The following RPL5 variants were observed in gnomAD, a reference collection of about 807,000 sequenced individuals.
RPL5 encodes ribosomal protein L5, also known as large ribosomal subunit protein uL18.
In RPL5, 1 loss-of-function variant was observed where a neutral mutation model predicts 38.4. That is an observed-to-expected ratio of 0.03 (90% CI 0.01 to 0.12). The LOEUF (loss-of-function observed/expected upper bound fraction) is 0.12, where lower values mean the gene tolerates loss of function less well. Among genes scored for constraint, RPL5 ranks in the 10% least tolerant of loss-of-function variants. RPL5 has a pLI of 1.00. For missense variants in RPL5, 243 were observed against 374.1 expected (o/e 0.65, Z 2.89); for synonymous variants, 109 against 121.2 (o/e 0.90, Z 0.66).
At chr1:92,835,340 A>G (rs1571027592) in intron 4 of RPL5, 1 of 266,880 alleles carries the variant, frequency 3.7e-6, no homozygotes, top group African/African-American at 2.2e-5. Flanking sequence ...GTACCAAGTG[A>G]TTTATATGCA....
Position 92,833,636 on chromosome 1 carries a change from G to A in RPL5, c.165G>A (p.Val55=), listed in dbSNP as rs58263806. The A allele has an allele frequency of 4.0e-3, 6,458 of 1,611,662 alleles. 210 individuals carry two copies. The African/African-American group carries it at 0.074, about 18-fold the overall frequency. ...CCAAATACAGGATGATAGTTCGTGT[G>A]ACAAACAGAGATATCATTTGTCAGG... ...NTPKYRMIVR[V]TNRDIICQIA... is the part of the protein sequence containing the mutation. Residue 55 remains valine (V), a synonymous_variant, in exon 3 of 8, where the codon GTG becomes GTA. Transcript: ENST00000370321.
chr1:92,837,222 T>TG (rs2100687408), intron 5 of RPL5: 1 of 694,832 alleles, frequency 1.4e-6, no homozygotes, highest in South Asian at 1.4e-5. Flanking sequence ...TGGAAAGCCT[T>TG]GGTAATGGCT....
chr1:92,834,008 G>A, intron 3 of RPL5: 1 of 317,268 alleles, frequency 3.2e-6, no homozygotes, highest in Non-Finnish European at 6.0e-6. Context: ...CTCAGTGGGA[G>A]GATTGTTTGA....
chr1:92,832,611 G>A, intron 1 of RPL5: 2 of 303,956 alleles, frequency 6.6e-6, no homozygotes, highest in Non-Finnish European at 1.2e-5. Context: ...CTGAGCAAGT[G>A]GCTTTTAAGC....
In RPL5 at chr1:92,837,554, G is replaced by A. The variant is rs775560628; in HGVS notation, c.626G>A (p.Arg209His). Residue 209 changes from arginine to histidine, a missense_variant, in exon 6 of 8, where the codon CGC becomes CAC. Transcript: ENST00000370321. ...GGCCAGAATGTTGCAGATTACATGC[G>A]CTACTTAATGGAAGAAGATGAAGAT... ...IMGQNVADYMRYLMEEDEDAY... is the reference protein window; with the variant it reads ...IMGQNVADYMHYLMEEDEDAY... 6.2e-6 allele frequency: 10 copies of A among 1,611,962 alleles called. No homozygotes were observed. Among genetic ancestry groups the A allele is most frequent in the South Asian group, 1.1e-5 (1 of 90,984 alleles).
intron 5 of RPL5, 113 bp downstream of exon 5, chr1:92,836,505 TATGCCTAGGTACC>T (rs1264086516): frequency 1.1e-6 from 1 of 918,986 alleles, no homozygotes; most frequent in Non-Finnish European, 1.8e-6. Flanking sequence ...ATGCCTGCTG[TATGCCTAGGTACC>T]ATGCAGGAGG....
intron 3 of RPL5, among the ~76,000 whole-genome samples, chr1:92,834,358 G>T (rs938972850): frequency 3.3e-5 from 5 of 152,208 alleles, no homozygotes; most frequent in Admixed American, 2.0e-4. Flanking sequence ...TGTACTAAGA[G>T]CATTCTCACT....
At chr1:92,835,342 T>A in intron 4 of RPL5, 1 of 262,298 alleles carries the variant, frequency 3.8e-6, no homozygotes, top group East Asian at 9.1e-5. Flanking sequence ...ACCAAGTGAT[T>A]TATATGCACA....
At chr1:92,833,327 T>G in intron 1 of RPL5, 62 bp from the exon 2 acceptor site, 2 of 1,328,682 alleles carry the variant, frequency 1.5e-6, no homozygotes, top group Non-Finnish European at 2.2e-6. Context: ...CATGGTTAAT[T>G]TATGTCAAAA....
chr1:92,841,010 A>G (rs1687343320), intron 7 of RPL5, among the ~76,000 whole-genome samples: 1 of 152,248 alleles, frequency 6.6e-6, no homozygotes, highest in Non-Finnish European at 1.5e-5. Context: ...AATTAAATCA[A>G]TGTATTTAAC....
At chr1:92,839,315 C>T (rs886234287) in intron 6 of RPL5, among the ~76,000 whole-genome samples, 2 of 151,924 alleles carry the variant, frequency 1.3e-5, no homozygotes, top group Non-Finnish European at 2.9e-5. Flanking sequence ...GCTGGGATCG[C>T]GCTACTGCAC....
At chr1:92,832,461 C>T (rs1332860759) in intron 1 of RPL5, among the ~76,000 whole-genome samples, 3 of 152,182 alleles carry the variant, frequency 2.0e-5, no homozygotes, top group Non-Finnish European at 2.9e-5. Context: ...CGACCTCAGC[C>T]TAGCTGGGGA....
At chr1:92,833,033 T>C (rs748056308) in intron 1 of RPL5, 1 of 739,832 alleles carries the variant, frequency 1.4e-6, no homozygotes, top group South Asian at 1.4e-5. Flanking sequence ...CCGGTGCTGG[T>C]CCTTGAAGAA....
chr1:92,838,715 C>T (rs10782945), intron 6 of RPL5, among the ~76,000 whole-genome samples: 90,016 of 151,976 alleles, frequency 0.59, 27,882 homozygotes, highest in East Asian at 0.95. Context: ...GCTTGTCTGA[C>T]GTCTTGGAAG....
rs1379231105 is a variant in RPL5, at chr1:92,833,370, A to G, written c.4-19A>G. The G allele has an allele frequency of 6.3e-7, 1 of 1,587,662 alleles. No homozygotes were observed. The highest frequency in any genetic ancestry group is 8.6e-7 in the Non-Finnish European group (1 of 1,156,418). ...AGGCTAAGACATCAAAGTTTTAATA[A>G]CATTCTTTTTTCTTTAAGGGGTTTG... On this transcript the variant is annotated intron_variant, in intron 1 of 7. Coordinates refer to ENST00000370321, the MANE Select transcript of RPL5 (RefSeq NM_000969.5).
At chr1:92,833,754 T>A in intron 3 of RPL5, 94 bp downstream of exon 3, 1 of 960,252 alleles carries the variant, frequency 1.0e-6, no homozygotes, top group Non-Finnish European at 1.7e-6. Flanking sequence ...AAGGGCTGTC[T>A]AGCACCTCCA....
At chr1:92,832,695 C>T (rs543145801) in intron 1 of RPL5, 157 of 378,166 alleles carry the variant, frequency 4.2e-4, no homozygotes, top group Non-Finnish European at 6.4e-4. Flanking sequence ...GAATACGTGC[C>T]TCCTGCCTCT....
intron 6 of RPL5, 146 bp from the exon 7 acceptor site, chr1:92,840,405 T>A: frequency 1.5e-6 from 1 of 678,550 alleles, no homozygotes; most frequent in African/African-American, 1.8e-5. Context: ...GTGAGTTACA[T>A]TTAGAAGTTA....
intron 1 of RPL5, among the ~76,000 whole-genome samples, chr1:92,832,498 T>C (rs1686949622): frequency 6.6e-6 from 1 of 152,210 alleles, no homozygotes; most frequent in Admixed American, 6.5e-5. Context: ...GGGCTGCAGG[T>C]CCTCGGGTCC....
Sources: allele counts gnomAD v4.1 joint callset (sites outside exome capture counted in the v4.1 genomes callset), GRCh38; gene constraint gnomAD v4.1.1; transcripts MANE v1.5; gene names NCBI Gene and HGNC (gene_info 2026-07-23, HGNC 2026-07-21).